ARHGEF10: variants seen among roughly 807,000 people sequenced by gnomAD.
ARHGEF10 encodes Rho guanine nucleotide exchange factor 10, also known as Rho guanine nucleotide exchange factor (GEF) 10.
In ARHGEF10, 140 loss-of-function variants were observed where a neutral mutation model predicts 147.4. The observed-to-expected ratio is 0.95, with a 90% CI of 0.83 to 1.09. The LOEUF (loss-of-function observed/expected upper bound fraction) is 1.09. Among genes scored for constraint, ARHGEF10 ranks in the 50% least tolerant of loss-of-function variants. The pLI, the probability that ARHGEF10 is intolerant of heterozygous loss-of-function variation, is 0.00. For synonymous variants in ARHGEF10, 902 were observed against 695.8 expected, an observed-to-expected ratio of 1.30 and a Z score of -4.67; for missense variants, 2,222 against 1,752.7, an observed-to-expected ratio of 1.27 and a Z score of -4.78.
Position 1,890,491 on chromosome 8 carries a change from G to A in ARHGEF10, c.1183-3078G>A, listed in dbSNP as rs138904060. Among the ~76,000 whole-genome samples the A allele has an allele frequency of 8.9e-3, 1,341 of 151,258 alleles. 8 individuals carry two copies. The highest frequency in any genetic ancestry group is 0.014 in the Non-Finnish European group (983 of 67,796). On this transcript the variant is annotated intron_variant, in intron 11 of 28. Transcript: ENST00000349830. The stretch of plus-strand genomic sequence containing the variant: ...TGTGAGGAGACACTGAGTGGGGTGA[G>A]GGTTGTGAGGAGATTCTGAGTGGGG...
intron 18 of ARHGEF10, among the ~76,000 whole-genome samples, chr8:1,921,826 C>A (rs982820211): frequency 2.0e-5 from 3 of 152,152 alleles, no homozygotes; most frequent in Admixed American, 2.0e-4. Context: ...CAGGTCTGTG[C>A]GATTCTACAG....
chr8:1,874,344 C>T (rs905012187), intron 7 of ARHGEF10, among the ~76,000 whole-genome samples: 2 of 152,158 alleles, frequency 1.3e-5, no homozygotes, highest in African/African-American at 4.8e-5. Flanking sequence ...GTCCCAGGAG[C>T]CTTAACAAGG....
intron 26 of ARHGEF10, among the ~76,000 whole-genome samples, chr8:1,936,598 C>G (rs1049441290): frequency 1.3e-5 from 2 of 151,650 alleles, no homozygotes; most frequent in African/African-American, 4.9e-5. Flanking sequence ...CTCTTTGAAG[C>G]CTCTGAAGAC....
chr8:1,950,971 C>G (rs1814996407), intron 27 of ARHGEF10, among the ~76,000 whole-genome samples: 1 of 152,158 alleles, frequency 6.6e-6, no homozygotes, highest in Non-Finnish European at 1.5e-5. Context: ...CGCAGCCTTG[C>G]CCGGCACGCA....
chr8:1,864,188 A>C (rs959645759), intron 4 of ARHGEF10, among the ~76,000 whole-genome samples, 185 bp from the exon 5 acceptor site: 4 of 152,188 alleles, frequency 2.6e-5, no homozygotes, highest in Admixed American at 2.0e-4. Context: ...ACATTTTATT[A>C]GATTCCAGTC....
At chr8:1,920,961 T>C (rs1055002538) in intron 18 of ARHGEF10, among the ~76,000 whole-genome samples, 1 of 152,144 alleles carries the variant, frequency 6.6e-6, no homozygotes, top group Admixed American at 6.5e-5. Context: ...TAATTTTGTA[T>C]TTTTAGTAGA....
chr8:1,884,993 A>C (rs1442572937), intron 10 of ARHGEF10, among the ~76,000 whole-genome samples: 1 of 152,140 alleles, frequency 6.6e-6, no homozygotes, highest in Non-Finnish European at 1.5e-5. Context: ...TTGAGCTCCT[A>C]GGCTCAAGCG....
chr8:1,900,929 C>A (rs764431097), intron 15 of ARHGEF10, among the ~76,000 whole-genome samples: 6 of 152,124 alleles, frequency 3.9e-5, no homozygotes, highest in Non-Finnish European at 1.5e-5. Flanking sequence ...TTGCCTTGAT[C>A]TGACAAAACA....
chr8:1,883,337 T>TGTCC (rs1808379933), intron 10 of ARHGEF10, among the ~76,000 whole-genome samples: 1 of 152,140 alleles, frequency 6.6e-6, no homozygotes, highest in Admixed American at 6.5e-5. Flanking sequence ...TGTGCACGGA[T>TGTCC]GTCCTAAGGT....
chr8:1,876,527 G>A (rs752118076), intron 7 of ARHGEF10, 44 bp from the exon 8 acceptor site: 2 of 1,590,410 alleles, frequency 1.3e-6, no homozygotes, highest in Non-Finnish European at 1.7e-6. Flanking sequence ...CAGCCCACAT[G>A]GAATTCTAAA....
At chr8:1,955,228 G>A (rs1039997074) in intron 28 of ARHGEF10, among the ~76,000 whole-genome samples, 12 of 149,228 alleles carry the variant, frequency 8.0e-5, no homozygotes, top group African/African-American at 1.5e-4. Context: ...CCTGAAAGGA[G>A]GTGCACTCTC....
chr8:1,945,816 G>A (rs1483360784), intron 27 of ARHGEF10, 161 bp downstream of exon 27: 1 of 1,117,066 alleles, frequency 9.0e-7, no homozygotes, highest in African/African-American at 1.5e-5. Context: ...ACAGACGTGG[G>A]AGTACGGAGC....
At chr8:1,874,056 G>T (rs1006518891) in intron 7 of ARHGEF10, among the ~76,000 whole-genome samples, 1 of 152,200 alleles carries the variant, frequency 6.6e-6, no homozygotes, top group Non-Finnish European at 1.5e-5. Flanking sequence ...CTGGTCACTG[G>T]CTTGGTCAGA....
intron 10 of ARHGEF10, 61 bp downstream of exon 10, chr8:1,882,810 T>C: frequency 2.5e-6 from 1 of 407,450 alleles, no homozygotes; most frequent in Admixed American, 3.4e-5. Flanking sequence ...GGCCACATCT[T>C]GTGGGGAGGA....
At chr8:1,909,641 C>T (rs555617645) in intron 18 of ARHGEF10, among the ~76,000 whole-genome samples, 171 bp downstream of exon 18, 2 of 152,314 alleles carry the variant, frequency 1.3e-5, no homozygotes, top group African/African-American at 2.4e-5. Context: ...ACTAACATGG[C>T]CAAGTCGGCT....
intron 1 of ARHGEF10, among the ~76,000 whole-genome samples, chr8:1,840,655 C>T (rs10105611): frequency 0.44 from 65,085 of 147,056 alleles, 15,165 homozygotes; most frequent in East Asian, 0.52. Context: ...GGGGACTGTC[C>T]GGTGTGGGGA....
chr8:1,900,468 T>C (rs1810363728), intron 15 of ARHGEF10, among the ~76,000 whole-genome samples: 1 of 152,166 alleles, frequency 6.6e-6, no homozygotes, highest in Non-Finnish European at 1.5e-5. Context: ...GCTGGGATTC[T>C]AACACAGTTG....
chr8:1,891,679 A>T (rs1461231302), intron 11 of ARHGEF10, among the ~76,000 whole-genome samples: 1 of 152,044 alleles, frequency 6.6e-6, no homozygotes, highest in Non-Finnish European at 1.5e-5. Flanking sequence ...TGCATTCAGG[A>T]TGGATTTCTC....
At chr8:1,858,233 C>T (rs1805764409) in intron 3 of ARHGEF10, 118 bp downstream of exon 3, 3 of 918,286 alleles carry the variant, frequency 3.3e-6, no homozygotes, top group Non-Finnish European at 4.8e-6. Flanking sequence ...GGTGAGTCCC[C>T]AGGTGGGTCC....
Sources: gnomAD v4.1 joint callset for allele counts (sites outside exome capture counted in the v4.1 genomes callset) on GRCh38, gnomAD v4.1.1 for gene constraint, MANE v1.5 for transcripts, NCBI Gene and HGNC (gene_info 2026-07-23, HGNC 2026-07-21) for gene names.